BABAM2: variants seen among roughly 807,000 people sequenced by gnomAD.
The protein encoded by BABAM2 is BRISC and BRCA1 A complex member 2.
In BABAM2, 31 loss-of-function variants were observed where a neutral mutation model predicts 54.7. The observed-to-expected ratio is 0.57, with a 90% CI of 0.43 to 0.77. The LOEUF (loss-of-function observed/expected upper bound fraction) is 0.77, where lower values mean the gene tolerates loss of function less well. BABAM2 is among the 30% of genes least tolerant of loss of function. The pLI is 0.00. For missense variants in BABAM2, 364 were observed against 455.8 expected, an observed-to-expected ratio of 0.80 and a Z score of 1.83; for synonymous variants, 167 against 162.9, an observed-to-expected ratio of 1.03 and a Z score of -0.19.
At chr2:28,096,142 G>T (rs1055423888) in intron 6 of BABAM2, among the ~76,000 whole-genome samples, 14 of 152,090 alleles carry the variant, frequency 9.2e-5, no homozygotes, top group African/African-American at 3.4e-4. Flanking sequence ...TTGGTTCAGG[G>T]CTAGATTGGT....
chr2:28,142,202 A>G (rs1300161341), intron 7 of BABAM2, among the ~76,000 whole-genome samples: 1 of 152,198 alleles, frequency 6.6e-6, no homozygotes, highest in African/African-American at 2.4e-5. Flanking sequence ...GAGTTTTTCT[A>G]GACTTGTTAA....
At chr2:28,237,394 G>C in intron 8 of BABAM2, 93 bp downstream of exon 8, 1 of 1,124,950 alleles carries the variant, frequency 8.9e-7, no homozygotes, top group Admixed American at 1.8e-5. Flanking sequence ...CATCCTTCTC[G>C]GACCGACTGC....
chr2:28,185,430 G>A (rs969676761), intron 7 of BABAM2, among the ~76,000 whole-genome samples: 2 of 152,134 alleles, frequency 1.3e-5, no homozygotes, highest in Non-Finnish European at 2.9e-5. Flanking sequence ...AAATAGCTTC[G>A]TGGATGATCC....
intron 3 of BABAM2, among the ~76,000 whole-genome samples, chr2:27,971,690 A>T (rs567588303): frequency 2.6e-5 from 4 of 151,528 alleles, no homozygotes; most frequent in African/African-American, 9.7e-5. Flanking sequence ...AAATTTTCCC[A>T]TGTGTTTTTT....
intron 3 of BABAM2, among the ~76,000 whole-genome samples, chr2:27,970,117 C>T (rs1210326972): frequency 1.3e-5 from 2 of 151,962 alleles, no homozygotes; most frequent in African/African-American, 2.4e-5. Context: ...TATTTTTTCA[C>T]TTTTTATAAA....
intron 7 of BABAM2, among the ~76,000 whole-genome samples, chr2:28,207,852 A>T (rs1380042218): frequency 1.3e-5 from 2 of 152,158 alleles, no homozygotes; most frequent in Non-Finnish European, 2.9e-5. Context: ...ACTGTTAATT[A>T]CTGGTGTGCT....
intron 3 of BABAM2, among the ~76,000 whole-genome samples, chr2:27,963,724 A>G (rs992150939): frequency 3.3e-5 from 5 of 152,156 alleles, no homozygotes; most frequent in Non-Finnish European, 5.9e-5. Context: ...ATGTTATTAT[A>G]CCAAAATATA....
intron 3 of BABAM2, among the ~76,000 whole-genome samples, chr2:27,965,491 G>A (rs1431214991): frequency 1.3e-5 from 2 of 151,850 alleles, no homozygotes; most frequent in Non-Finnish European, 2.9e-5. Context: ...AGCAAATTCC[G>A]AGCGTCATAT....
chr2:28,134,430 A>G (rs1204359872), intron 7 of BABAM2: 1 of 152,244 alleles, frequency 6.6e-6, no homozygotes, highest in Non-Finnish European at 1.5e-5. Context: ...TTAAATGGGC[A>G]TGAGAGTCTG....
intron 10 of BABAM2, among the ~76,000 whole-genome samples, chr2:28,289,395 C>T (rs1317336544): frequency 1.3e-5 from 2 of 152,146 alleles, no homozygotes; most frequent in East Asian, 3.8e-4. Flanking sequence ...TTAAGGCATA[C>T]ACATGTGTAT....
intron 7 of BABAM2, among the ~76,000 whole-genome samples, chr2:28,206,113 AC>A (rs1678819101): frequency 6.6e-6 from 1 of 152,158 alleles, no homozygotes; most frequent in African/African-American, 2.4e-5. Flanking sequence ...TTTGTTGAGC[AC>A]CCACTATATA....
chr2:28,035,260 A>G (rs973832793), intron 5 of BABAM2, among the ~76,000 whole-genome samples: 3 of 152,164 alleles, frequency 2.0e-5, no homozygotes, highest in Non-Finnish European at 4.4e-5. Context: ...TTTCTTTCAG[A>G]CAGCACTGGT....
chr2:28,045,243 T>C (rs933432700), intron 5 of BABAM2, among the ~76,000 whole-genome samples: 1 of 152,164 alleles, frequency 6.6e-6, no homozygotes, highest in African/African-American at 2.4e-5. Context: ...TTATTTTGAA[T>C]ACCCACTGCT....
chr2:27,951,860 G>GT (rs1213230189), intron 3 of BABAM2, among the ~76,000 whole-genome samples: 7 of 152,138 alleles, frequency 4.6e-5, no homozygotes, highest in Non-Finnish European at 1.0e-4. Flanking sequence ...CCCTATTTTA[G>GT]TTTTTTAAAG....
intron 3 of BABAM2, among the ~76,000 whole-genome samples, chr2:27,978,358 G>A (rs1671746449): frequency 6.6e-6 from 1 of 152,178 alleles, no homozygotes; most frequent in Non-Finnish European, 1.5e-5. Flanking sequence ...CATGCTTCCT[G>A]TACAGCCTGC....
chr2:27,976,726 T>C (rs1413080824), intron 3 of BABAM2, among the ~76,000 whole-genome samples: 1 of 152,214 alleles, frequency 6.6e-6, no homozygotes, highest in East Asian at 1.9e-4. Context: ...AAAAATAGTT[T>C]ATAATTTTTA....
At chr2:28,086,145 A>G (rs2148681924) in intron 6 of BABAM2, among the ~76,000 whole-genome samples, 1 of 152,336 alleles carries the variant, frequency 6.6e-6, no homozygotes, top group South Asian at 2.1e-4. Flanking sequence ...GCCCAAGTGC[A>G]GAAAAAATAG....
At chr2:28,027,816 A>G (rs1210713224) in intron 5 of BABAM2, among the ~76,000 whole-genome samples, 1 of 152,150 alleles carries the variant, frequency 6.6e-6, no homozygotes, top group African/African-American at 2.4e-5. Flanking sequence ...TGTTTTTTAC[A>G]TTGTTTAAAC....
chr2:28,215,460 ACT>A (rs1403906516), intron 7 of BABAM2, among the ~76,000 whole-genome samples: 1 of 151,946 alleles, frequency 6.6e-6, no homozygotes. Flanking sequence ...AATTTATTAA[ACT>A]CTCTTACATT....
Sources: gnomAD v4.1 joint callset for allele counts (sites outside exome capture counted in the v4.1 genomes callset) on GRCh38, gnomAD v4.1.1 for gene constraint, MANE v1.5 for transcripts, NCBI Gene and HGNC (gene_info 2026-07-23, HGNC 2026-07-21) for gene names.